TEK: variants seen among roughly 807,000 people sequenced by gnomAD.
TEK encodes TEK receptor tyrosine kinase.
A neutral mutation model predicts 131.8 loss-of-function variants in TEK; 43 were observed. The ratio of observed to expected loss-of-function variants is 0.33; its 90% confidence interval spans 0.26 to 0.42. TEK has a LOEUF of 0.42. Among genes scored for constraint, TEK ranks in the 10% least tolerant of loss-of-function variants. The pLI, the probability that TEK is intolerant of heterozygous loss-of-function variation, is 1.00. For synonymous variants in TEK, 580 were observed against 491.6 expected (o/e 1.18, Z -2.38); for missense variants, 1,162 against 1,384.4 (o/e 0.84, Z 2.55).
intron 6 of TEK, among the ~76,000 whole-genome samples, chr9:27,178,297 C>A (rs1357645427): frequency 6.6e-6 from 1 of 151,986 alleles, no homozygotes; most frequent in Non-Finnish European, 1.5e-5. Flanking sequence ...TCTGGGCTGT[C>A]AATTCTGTTC....
At chr9:27,206,833 G>A (rs775979069) in intron 15 of TEK, 41 bp downstream of exon 15, 60 of 1,598,778 alleles carry the variant, frequency 3.8e-5, no homozygotes, top group South Asian at 6.7e-5. Flanking sequence ...GCGTGAGGGT[G>A]TGGAGAAAAC....
At chr9:27,221,783 G>C (rs1382410100) in intron 21 of TEK, among the ~76,000 whole-genome samples, 1 of 152,220 alleles carries the variant, frequency 6.6e-6, no homozygotes, top group Non-Finnish European at 1.5e-5. Flanking sequence ...CGAAGATGGA[G>C]AGAAACCAGT....
intron 3 of TEK, 33 bp from the exon 4 acceptor site, chr9:27,169,444 G>T (rs1823867399): frequency 5.6e-6 from 9 of 1,613,106 alleles, no homozygotes; most frequent in South Asian, 4.4e-5. Context: ...GTTTCAGTGT[G>T]ACCTACGGTT....
chr9:27,114,748 C>G (rs1821483541), intron 1 of TEK, among the ~76,000 whole-genome samples: 1 of 152,104 alleles, frequency 6.6e-6, no homozygotes, highest in Non-Finnish European at 1.5e-5. Context: ...AAGAAAGTTT[C>G]TTCTGTTAGG....
At chr9:27,113,481 G>T (rs1412017365) in intron 1 of TEK, among the ~76,000 whole-genome samples, 2 of 152,084 alleles carry the variant, frequency 1.3e-5, no homozygotes, top group South Asian at 4.2e-4. Flanking sequence ...CTAGCTACTC[G>T]GGAGGCTTAG....
At chr9:27,177,960 T>G (rs1824232700) in intron 6 of TEK, among the ~76,000 whole-genome samples, 2 of 152,218 alleles carry the variant, frequency 1.3e-5, no homozygotes, top group African/African-American at 4.8e-5. Context: ...AGAAGCTTGT[T>G]AGTTTGATGC....
chr9:27,218,969 A>G, intron 20 of TEK, 152 bp downstream of exon 20: 2 of 816,408 alleles, frequency 2.4e-6, no homozygotes, highest in African/African-American at 1.7e-5. Flanking sequence ...ATTAATTCCC[A>G]TATTTTTCTT....
chr9:27,215,808 G>A (rs138706964), intron 18 of TEK, among the ~76,000 whole-genome samples: 1 of 152,140 alleles, frequency 6.6e-6, no homozygotes, highest in Non-Finnish European at 1.5e-5. Context: ...TAAATGCAAA[G>A]AGCAAGGAAA....
intron 18 of TEK, 112 bp downstream of exon 18, chr9:27,213,709 T>C: frequency 1.2e-6 from 1 of 808,010 alleles, no homozygotes; most frequent in Non-Finnish European, 2.2e-6. Context: ...TCTGACTGTA[T>C]GTCCCAGTAG....
chr9:27,225,646 CT>C (rs780414153), intron 21 of TEK, among the ~76,000 whole-genome samples: 2 of 152,078 alleles, frequency 1.3e-5, no homozygotes, highest in Non-Finnish European at 2.9e-5. Flanking sequence ...AGAAGAAAAC[CT>C]GGGCAATACC....
intron 21 of TEK, among the ~76,000 whole-genome samples, chr9:27,227,088 GA>G (rs1238986327): frequency 6.6e-6 from 1 of 152,166 alleles, no homozygotes; most frequent in African/African-American, 2.4e-5. Context: ...TAGTCTTTAA[GA>G]AACTTATGTT....
At chr9:27,228,595 G>A (rs1016150170) in intron 22 of TEK, among the ~76,000 whole-genome samples, 7 of 152,112 alleles carry the variant, frequency 4.6e-5, no homozygotes, top group Non-Finnish European at 8.8e-5. Flanking sequence ...TAATTTTATA[G>A]ATGAAGAAAC....
chr9:27,131,909 A>C (rs1320301102), intron 1 of TEK, among the ~76,000 whole-genome samples: 1 of 152,160 alleles, frequency 6.6e-6, no homozygotes, highest in Admixed American at 6.5e-5. Flanking sequence ...TCAAAATGTC[A>C]GCAAGGGTTA....
chr9:27,198,633 T>G (rs1191386325), intron 12 of TEK, among the ~76,000 whole-genome samples: 2 of 152,248 alleles, frequency 1.3e-5, no homozygotes, highest in African/African-American at 4.8e-5. Context: ...TTAACAACTG[T>G]TAACATTTTG....
At chr9:27,124,871 A>AT (rs2131048793) in intron 1 of TEK, among the ~76,000 whole-genome samples, 1 of 152,310 alleles carries the variant, frequency 6.6e-6, no homozygotes, top group South Asian at 2.1e-4. Flanking sequence ...TATGAGGTCT[A>AT]TCCCACCAGA....
At chr9:27,132,453 A>C (rs892703642) in intron 1 of TEK, among the ~76,000 whole-genome samples, 1 of 152,180 alleles carries the variant, frequency 6.6e-6, no homozygotes, top group African/African-American at 2.4e-5. Flanking sequence ...TAAAATATCT[A>C]AGACTATCAT....
chr9:27,221,125 T>G (rs1255154918), intron 21 of TEK, among the ~76,000 whole-genome samples: 1 of 152,134 alleles, frequency 6.6e-6, no homozygotes, highest in Non-Finnish European at 1.5e-5. Flanking sequence ...GTAGGCGGTT[T>G]TCCCCTCACA....
At chr9:27,143,910 G>A (rs1470757276) in intron 1 of TEK, among the ~76,000 whole-genome samples, 1 of 152,214 alleles carries the variant, frequency 6.6e-6, no homozygotes, top group Non-Finnish European at 1.5e-5. Context: ...TGAAGGCTGA[G>A]CAGGAGTTAG....
At chr9:27,129,497 C>G (rs1271158141) in intron 1 of TEK, among the ~76,000 whole-genome samples, 1 of 152,106 alleles carries the variant, frequency 6.6e-6, no homozygotes. Flanking sequence ...TGCATATATA[C>G]CACTTGGCAG....
Sources: allele counts gnomAD v4.1 joint callset (sites outside exome capture counted in the v4.1 genomes callset), GRCh38; gene constraint gnomAD v4.1.1; transcripts MANE v1.5; gene names NCBI Gene and HGNC (gene_info 2026-07-23, HGNC 2026-07-21).